Variants in TFAP2B observed in about 807,000 individuals in gnomAD.
TFAP2B encodes transcription factor AP-2 beta.
In TFAP2B, 9 loss-of-function variants were observed where a neutral mutation model predicts 44.3. The observed-to-expected ratio is 0.20, with a 90% CI of 0.12 to 0.35. The LOEUF is 0.35. Ranked by LOEUF, TFAP2B falls within the 10% of genes least tolerant of loss-of-function variation. The probability of loss-of-function intolerance (pLI) is 1.00; values close to 1 mark genes in which losing one functional copy is unlikely to be tolerated. For synonymous variants in TFAP2B, 270 were observed against 263.8 expected (o/e 1.02, Z -0.23); for missense variants, 509 against 600.0 (o/e 0.85, Z 1.59).
At chr6:50,842,443 AAC>A (rs1266000852) in intron 6 of TFAP2B, among the ~76,000 whole-genome samples, 1 of 152,222 alleles carries the variant, frequency 6.6e-6, no homozygotes, top group Non-Finnish European at 1.5e-5. Context: ...TTATATTGAC[AAC>A]AGTCTGGTTA....
intron 1 of TFAP2B, among the ~76,000 whole-genome samples, chr6:50,819,847 AGGTGGGAGAGGCGGGC>A (rs1770281752): frequency 8.8e-6 from 1 of 113,486 alleles, no homozygotes; most frequent in African/African-American, 3.7e-5. Flanking sequence ...GAGGCGGGCG[AGGTGGGAGAGGCGGGC>A]GAGGTGGGAG....
intron 1 of TFAP2B, among the ~76,000 whole-genome samples, chr6:50,822,725 G>A (rs1770387573): frequency 6.6e-6 from 1 of 152,180 alleles, no homozygotes. Context: ...ATTGGCTTAG[G>A]ATATGATTTC....
rs1762818026 is a variant in TFAP2B at position 50,845,105 on chromosome 6, A to G, written c.*1713A>G. On this transcript the variant is annotated 3_prime_UTR_variant, in exon 7 of 7. Transcript: ENST00000393655. ...AATCCATTGTCTGCACCTCCGCAAA[A>G]GCAGTGAGAAATTATCCCGGGATAA... 6.6e-6 allele frequency: 1 copy of G among 152,148 alleles called. No individual in the cohort carries two copies. 9.4% of individuals were successfully genotyped at this position (152,148 alleles called of 1,614,324 possible).
Position 50,845,783 on chromosome 6 carries a change from G to A in TFAP2B, c.*2391G>A, listed in dbSNP as rs962479163. ...ACTGTGCAGGTCCTGAGAGCGTGTGGGCCACAGGCGCCCAGTCGTGTTGAG... is the reference window on the plus strand; with the variant it reads ...ACTGTGCAGGTCCTGAGAGCGTGTGAGCCACAGGCGCCCAGTCGTGTTGAG... On this transcript the variant is annotated 3_prime_UTR_variant, in exon 7 of 7. Coordinates refer to ENST00000393655, the MANE Select transcript of TFAP2B (RefSeq NM_003221.4). 2 of 152,712 alleles carry A rather than the reference G, an allele frequency of 1.3e-5. No homozygotes were observed. The highest frequency in any genetic ancestry group is 4.8e-5 in the African/African-American group (2 of 41,472). 9.5% of individuals were successfully genotyped at this position (152,712 alleles called of 1,614,324 possible).
rs1230331917 is a variant in TFAP2B, at chr6:50,845,885, G to A, written c.*2493G>A. ...TCTCGGTCTCACCCTAAGGGCTAAG[G>A]CGACCGAGAAAGCCCCATTCTCCAG... On this transcript the variant is annotated 3_prime_UTR_variant, in exon 7 of 7. Coordinates refer to ENST00000393655, the MANE Select transcript of TFAP2B (RefSeq NM_003221.4). 1 of 152,674 alleles carries A rather than the reference G, an allele frequency of 6.5e-6. No homozygotes were observed. Among genetic ancestry groups the A allele is most frequent in the Non-Finnish European group, 1.5e-5 (1 of 68,050 alleles). The allele number at this position is 152,674 out of a possible 1,614,324, so 9.5% of individuals were successfully genotyped here.
Position 50,845,118 on chromosome 6 carries a change from T to G in TFAP2B, c.*1726T>G, listed in dbSNP as rs1762818267. On this transcript the variant is annotated 3_prime_UTR_variant, in exon 7 of 7. Transcript: ENST00000393655. Reference sequence around the variant, plus strand: ...CACCTCCGCAAAAGCAGTGAGAAATTATCCCGGGATAAGGGTGAATGAGAG... The same window carrying G: ...CACCTCCGCAAAAGCAGTGAGAAATGATCCCGGGATAAGGGTGAATGAGAG... 1 of 152,144 alleles carries G rather than the reference T, an allele frequency of 6.6e-6. No individual in the cohort carries two copies. Among genetic ancestry groups the G allele is most frequent in the Non-Finnish European group, 1.5e-5 (1 of 68,034 alleles). 9.4% of individuals were successfully genotyped at this position (152,144 alleles called of 1,614,324 possible). A position where few individuals can be genotyped will look rare whatever the true frequency, so the allele number is the denominator to read the frequency against.
intron 3 of TFAP2B, among the ~76,000 whole-genome samples, chr6:50,835,570 G>A (rs1263866617): frequency 6.6e-6 from 1 of 152,348 alleles, no homozygotes; most frequent in East Asian, 1.9e-4. Context: ...CAATAGGAAA[G>A]GAGGAAGGGG....
intron 3 of TFAP2B, among the ~76,000 whole-genome samples, chr6:50,831,642 C>G (rs1329584607): frequency 7.0e-6 from 1 of 142,656 alleles, no homozygotes; most frequent in Non-Finnish European, 1.6e-5. Flanking sequence ...ACTCTCAGTT[C>G]CATTAAGATT....
chr6:50,818,444 A>C (rs1443411868), upstream of TFAP2B, among the ~76,000 whole-genome samples: 2 of 152,218 alleles, frequency 1.3e-5, no homozygotes, highest in Non-Finnish European at 2.9e-5. Flanking sequence ...CATAGAAAAT[A>C]GGGGACTGAT....
intron 3 of TFAP2B, among the ~76,000 whole-genome samples, chr6:50,833,810 G>C (rs934270054): frequency 1.3e-5 from 2 of 152,168 alleles, no homozygotes; most frequent in Non-Finnish European, 2.9e-5. Context: ...CCAATACTCA[G>C]TGGGTATTTG....
At chr6:50,824,501 G>A (rs1166175358) in intron 2 of TFAP2B, among the ~76,000 whole-genome samples, 3 of 152,174 alleles carry the variant, frequency 2.0e-5, no homozygotes, top group Non-Finnish European at 2.9e-5. Context: ...ATATGTGAAG[G>A]AGAAACTCAG....
intron 2 of TFAP2B, 94 bp downstream of exon 2, chr6:50,823,959 T>C: frequency 1.5e-6 from 2 of 1,349,056 alleles, no homozygotes; most frequent in South Asian, 2.5e-5. Flanking sequence ...GCTCTGTCTC[T>C]TTTTGGGGAG....
chr6:50,821,974 G>A, intron 1 of TFAP2B: 1 of 320,584 alleles, frequency 3.1e-6, no homozygotes, highest in Middle Eastern at 8.8e-4. Flanking sequence ...ATCTTGTTGG[G>A]GTGGGGGGCG....
At chr6:50,830,375 G>A (rs895607793) in intron 3 of TFAP2B, 15 of 867,060 alleles carry the variant, frequency 1.7e-5, no homozygotes, top group Non-Finnish European at 1.9e-5. Flanking sequence ...GGGATGCTTT[G>A]GTTTCAGAGC....
Position 50,837,960 on chromosome 6 carries a change from T to C in TFAP2B, c.822-15T>C. The stretch of plus-strand genomic sequence containing the variant: ...ACTCTAAGGTTAATCAGAATGTTAA[T>C]TCTTGCAATTTCAGAGCCAAATCGA... On this transcript the variant is annotated splice_polypyrimidine_tract_variant and intron_variant, in intron 4 of 6. Coordinates refer to ENST00000393655, the MANE Select transcript of TFAP2B (RefSeq NM_003221.4). The C allele has an allele frequency of 1.3e-6, 2 of 1,593,588 alleles. No individual in the cohort carries two copies. The highest frequency in any genetic ancestry group is 1.1e-5 in the South Asian group (1 of 90,664).
intron 2 of TFAP2B, among the ~76,000 whole-genome samples, chr6:50,827,625 A>G (rs1034695186): frequency 4.3e-4 from 65 of 152,178 alleles, no homozygotes; most frequent in African/African-American, 1.5e-3. Flanking sequence ...AGTGGGTAAC[A>G]ATTTGGTCCC....
At chr6:50,818,437 A>G (rs1397204076), upstream of TFAP2B, among the ~76,000 whole-genome samples, 2 of 152,232 alleles carry the variant, frequency 1.3e-5, no homozygotes, top group Non-Finnish European at 2.9e-5. Context: ...AAATCTACAT[A>G]GAAAATAGGG....
intron 3 of TFAP2B, among the ~76,000 whole-genome samples, chr6:50,835,184 T>C (rs1470926513): frequency 6.6e-6 from 1 of 152,240 alleles, no homozygotes; most frequent in Non-Finnish European, 1.5e-5. Flanking sequence ...TGCGGTTTGT[T>C]ATCAATTACT....
chr6:50,822,257 C>T lies in TFAP2B; in HGVS notation c.82-1150C>T. ...TGTGTGTGTGTGTGTCTCACACTCT[C>T]TGTCTCTCTCTGTCTTCCTTTGAGC... On this transcript the variant is annotated intron_variant, in intron 1 of 6. Coordinates refer to ENST00000393655, the MANE Select transcript of TFAP2B (RefSeq NM_003221.4). 1.2e-5 allele frequency: 12 copies of T among 1,037,342 alleles called. No individual in the cohort carries two copies. In the South Asian group the frequency reaches 1.2e-4, roughly 10 times the overall value. 64.3% of individuals were successfully genotyped at this position (1,037,342 alleles called of 1,614,324 possible).
Sources: allele counts gnomAD v4.1 joint callset (sites outside exome capture counted in the v4.1 genomes callset), GRCh38; gene constraint gnomAD v4.1.1; transcripts MANE v1.5; gene names NCBI Gene and HGNC (gene_info 2026-07-23, HGNC 2026-07-21).